The following PALLD variants were observed in gnomAD, a reference collection of about 807,000 sequenced individuals.
PALLD encodes the protein palladin, cytoskeletal associated protein.
Under a neutral mutation model 123.5 loss-of-function variants are expected in PALLD, and 61 were observed. The observed-to-expected ratio is 0.49, with a 90% CI of 0.40 to 0.61. The LOEUF (loss-of-function observed/expected upper bound fraction) is 0.61. Ranked by LOEUF, PALLD falls within the 20% of genes least tolerant of loss-of-function variation. PALLD has a pLI of 0.00. For synonymous variants in PALLD, 465 were observed against 496.4 expected (o/e 0.94, Z 0.84); for missense variants, 1,273 against 1,377.0 (o/e 0.92, Z 1.20).
chr4:168,817,548 A>G (rs772221782), intron 10 of PALLD, among the ~76,000 whole-genome samples: 1 of 152,218 alleles, frequency 6.6e-6, no homozygotes, highest in African/African-American at 2.4e-5. Context: ...ACTTGTTTTA[A>G]TCTTCTCAAT....
chr4:168,524,511 G>T (rs1763863637), intron 2 of PALLD, among the ~76,000 whole-genome samples: 1 of 152,084 alleles, frequency 6.6e-6, no homozygotes, highest in Non-Finnish European at 1.5e-5. Flanking sequence ...GGGCACATGA[G>T]ATTTTTTTGA....
rs961967258 is a variant in PALLD at position 168,925,367 on chromosome 4, C to T, written c.*32+89C>T. On this transcript the variant is annotated intron_variant, in intron 21 of 21. Transcript: ENST00000505667. ...GTTAGTTGTGGCTTCCTTACTCAAG[C>T]ATCCTTAGGAGTTAACAGTAGGCAA... The T allele has an allele frequency of 1.6e-5, 16 of 979,500 alleles. No individual in the cohort carries two copies. In the African/African-American group the frequency reaches 2.2e-4, roughly 14 times the overall value. The allele number at this position is 979,500 out of a possible 1,614,324, so 60.7% of individuals were successfully genotyped here.
At chr4:168,622,167 G>GC (rs1774827091) in intron 2 of PALLD, among the ~76,000 whole-genome samples, 1 of 152,008 alleles carries the variant, frequency 6.6e-6, no homozygotes, top group Admixed American at 6.6e-5. Context: ...CATACACACA[G>GC]CCCCTCACAT....
At chr4:168,660,390 C>T (rs1024083135) in intron 2 of PALLD, among the ~76,000 whole-genome samples, 4 of 152,198 alleles carry the variant, frequency 2.6e-5, no homozygotes, top group African/African-American at 4.8e-5. Flanking sequence ...TCAGCAGTCA[C>T]ATTTAACCTC....
At chr4:168,555,819 A>G (rs1236312481) in intron 2 of PALLD, among the ~76,000 whole-genome samples, 1 of 152,202 alleles carries the variant, frequency 6.6e-6, no homozygotes, top group African/African-American at 2.4e-5. Flanking sequence ...CACCTTATTA[A>G]TAAATTATTC....
At chr4:168,772,641 G>A (rs1046654076) in intron 10 of PALLD, among the ~76,000 whole-genome samples, 4 of 152,170 alleles carry the variant, frequency 2.6e-5, no homozygotes, top group Admixed American at 2.0e-4. Context: ...TCTGTATTAC[G>A]TGTATGTGCC....
At chr4:168,836,556 G>A (rs1173435970) in intron 10 of PALLD, among the ~76,000 whole-genome samples, 1 of 152,196 alleles carries the variant, frequency 6.6e-6, no homozygotes, top group Non-Finnish European at 1.5e-5. Flanking sequence ...AATAGTTATT[G>A]CTAACCAGGT....
At chr4:168,744,210 A>C (rs532178355) in intron 10 of PALLD, among the ~76,000 whole-genome samples, 1,971 of 150,484 alleles carry the variant, frequency 0.013, 41 homozygotes, top group African/African-American at 0.045. Context: ...TGGTGTATAA[A>C]GTGTGAGAAT....
chr4:168,500,040 G>A (rs1378174485), intron 1 of PALLD, among the ~76,000 whole-genome samples: 2 of 152,194 alleles, frequency 1.3e-5, no homozygotes, highest in African/African-American at 4.8e-5. Context: ...GCCACTTTCT[G>A]ATGGCTCAGG....
intron 2 of PALLD, among the ~76,000 whole-genome samples, chr4:168,550,406 T>C (rs907727890): frequency 1.2e-4 from 19 of 152,212 alleles, no homozygotes; most frequent in African/African-American, 4.3e-4. Flanking sequence ...TTTGAGTTAT[T>C]CTAGTTCTCT....
At chr4:168,649,141 A>AT (rs1777782608) in intron 2 of PALLD, among the ~76,000 whole-genome samples, 1 of 152,230 alleles carries the variant, frequency 6.6e-6, no homozygotes, top group South Asian at 2.1e-4. Context: ...GCACAACAGA[A>AT]TACCAGCCTG....
chr4:168,574,696 A>C (rs1196681610), intron 2 of PALLD, among the ~76,000 whole-genome samples: 1 of 152,064 alleles, frequency 6.6e-6, no homozygotes, highest in Admixed American at 6.6e-5. Flanking sequence ...CATTTATAAG[A>C]GTGGAGAAAA....
At chr4:168,764,430 A>G (rs1249086409) in intron 10 of PALLD, among the ~76,000 whole-genome samples, 1 of 152,158 alleles carries the variant, frequency 6.6e-6, no homozygotes, top group Non-Finnish European at 1.5e-5. Flanking sequence ...TTTTAGAAAC[A>G]GGATCTTTCT....
intron 2 of PALLD, among the ~76,000 whole-genome samples, chr4:168,522,812 A>G (rs1763680752): frequency 6.6e-6 from 1 of 152,366 alleles, no homozygotes; most frequent in Non-Finnish European, 1.5e-5. Context: ...GCCAAGAAAT[A>G]GCATCCTATT....
chr4:168,767,858 A>G (rs1733895929), intron 10 of PALLD, among the ~76,000 whole-genome samples: 1 of 151,972 alleles, frequency 6.6e-6, no homozygotes, highest in Non-Finnish European at 1.5e-5. Context: ...CTGATCTTAT[A>G]TCATTCCTCT....
chr4:168,819,035 A>G (rs1369039755), intron 10 of PALLD, among the ~76,000 whole-genome samples: 1 of 152,126 alleles, frequency 6.6e-6, no homozygotes, highest in Admixed American at 6.6e-5. Context: ...ATGATGATGA[A>G]CAAGCTTACA....
chr4:168,783,072 GTGTGTGTGTGTGTA>G (rs1019916559), intron 10 of PALLD, among the ~76,000 whole-genome samples: 9 of 149,570 alleles, frequency 6.0e-5, no homozygotes, highest in Non-Finnish European at 1.2e-4. Context: ...GTGTGTGTGT[GTGTGTGTGTGTGTA>G]TAGTACTGTT....
chr4:168,690,495 T>A (rs559039783), intron 6 of PALLD, 108 bp from the exon 7 acceptor site: 969 of 1,362,302 alleles, frequency 7.1e-4, no homozygotes, highest in Non-Finnish European at 4.3e-4. Flanking sequence ...GCATTTTGTG[T>A]TTGTATCTGT....
chr4:168,855,089 C>CTTTTTTTT (rs11338063), intron 10 of PALLD, among the ~76,000 whole-genome samples: 10 of 103,992 alleles, frequency 9.6e-5, no homozygotes, highest in African/African-American at 3.0e-4. Flanking sequence ...AAGGAATGTT[C>CTTTTTTTT]TTTTTTTTTT....
Sources: allele counts gnomAD v4.1 joint callset (sites outside exome capture counted in the v4.1 genomes callset), GRCh38; gene constraint gnomAD v4.1.1; transcripts MANE v1.5; gene names NCBI Gene and HGNC (gene_info 2026-07-23, HGNC 2026-07-21).